The following SKAP1 variants were observed in gnomAD, a reference collection of about 807,000 sequenced individuals.
The protein encoded by SKAP1 is src kinase associated phosphoprotein 1.
SKAP1 carries 44 observed loss-of-function variants against 58.5 expected under a neutral mutation model. The ratio of observed to expected loss-of-function variants is 0.75; its 90% CI spans 0.59 to 0.97. The LOEUF (loss-of-function observed/expected upper bound fraction) is 0.97. SKAP1 is among the 50% of genes least tolerant of loss of function. SKAP1 has a pLI of 0.00. For synonymous variants in SKAP1, 127 were observed against 149.7 expected (o/e 0.85, Z 1.11); for missense variants, 390 against 435.2 (o/e 0.90, Z 0.92).
chr17:48,365,686 T>C (rs2066992297), intron 2 of SKAP1, among the ~76,000 whole-genome samples: 1 of 152,118 alleles, frequency 6.6e-6, no homozygotes, highest in Non-Finnish European at 1.5e-5. Context: ...TATTAACTCT[T>C]GCTATAGACA....
chr17:48,356,312 G>A (rs572424949), intron 3 of SKAP1, among the ~76,000 whole-genome samples: 1 of 152,210 alleles, frequency 6.6e-6, no homozygotes, highest in Non-Finnish European at 1.5e-5. Context: ...GAAAACTTGA[G>A]TGGGTAAGAA....
intron 4 of SKAP1, among the ~76,000 whole-genome samples, chr17:48,227,242 T>A (rs2065079326): frequency 6.6e-6 from 1 of 152,192 alleles, no homozygotes; most frequent in African/African-American, 2.4e-5. Flanking sequence ...AAAGACTATT[T>A]CCTAAACTGC....
At chr17:48,439,411 G>A in the SKAP1 span, among the ~76,000 whole-genome samples, 2 of 152,176 alleles carry the variant, frequency 1.3e-5, no homozygotes, top group Non-Finnish European at 2.9e-5. Flanking sequence ...AACAGCCTCT[G>A]CTCTCAGCCT....
intron 4 of SKAP1, among the ~76,000 whole-genome samples, chr17:48,303,530 G>C (rs1183348543): frequency 6.6e-6 from 1 of 152,182 alleles, no homozygotes; most frequent in East Asian, 1.9e-4. Context: ...CAAAGTTGTT[G>C]AGTGAGTATG....
chr17:48,439,341 G>T, the SKAP1 span, among the ~76,000 whole-genome samples: 1 of 152,218 alleles, frequency 6.6e-6, no homozygotes, highest in Non-Finnish European at 1.5e-5. Flanking sequence ...CAAATTGTAA[G>T]ATGCATATTG....
chr17:48,197,569 G>A (rs2064655085), intron 4 of SKAP1, among the ~76,000 whole-genome samples: 3 of 152,098 alleles, frequency 2.0e-5, no homozygotes, highest in Non-Finnish European at 2.9e-5. Flanking sequence ...TGTGCCTGTA[G>A]TCCCAGGTAC....
intron 10 of SKAP1, among the ~76,000 whole-genome samples, chr17:48,162,944 T>C (rs1394489611): frequency 6.6e-6 from 1 of 152,226 alleles, no homozygotes; most frequent in African/African-American, 2.4e-5. Flanking sequence ...TTTCTCTTCA[T>C]TATGCATTTG....
At chr17:48,281,331 C>T (rs1264803810) in intron 4 of SKAP1, among the ~76,000 whole-genome samples, 1 of 152,098 alleles carries the variant, frequency 6.6e-6, no homozygotes, top group Non-Finnish European at 1.5e-5. Flanking sequence ...GCCCAGAGCT[C>T]AAGTTTTAAA....
chr17:48,262,173 A>G (rs1268070671), intron 4 of SKAP1, among the ~76,000 whole-genome samples: 1 of 152,214 alleles, frequency 6.6e-6, no homozygotes, highest in Non-Finnish European at 1.5e-5. Flanking sequence ...GTTGGAGAGA[A>G]TCATCCACCT....
intron 4 of SKAP1, among the ~76,000 whole-genome samples, chr17:48,315,378 T>C (rs1476512900): frequency 6.6e-6 from 1 of 152,154 alleles, no homozygotes; most frequent in Non-Finnish European, 1.5e-5. Context: ...TGCATGCTCA[T>C]TTTTATGGCA....
At chr17:48,310,243 C>T (rs1225278319) in intron 4 of SKAP1, among the ~76,000 whole-genome samples, 1 of 152,122 alleles carries the variant, frequency 6.6e-6, no homozygotes, top group Non-Finnish European at 1.5e-5. Flanking sequence ...GTCTGTCCTA[C>T]GGGTTTTCTA....
intron 3 of SKAP1, among the ~76,000 whole-genome samples, chr17:48,361,373 T>C (rs1455385171): frequency 6.6e-6 from 1 of 151,938 alleles, no homozygotes; most frequent in African/African-American, 2.4e-5. Context: ...TCCCAGCTAA[T>C]TTTTTGTATG....
intron 4 of SKAP1, among the ~76,000 whole-genome samples, chr17:48,274,487 G>A (rs957622605): frequency 2.6e-5 from 4 of 151,402 alleles, no homozygotes; most frequent in African/African-American, 4.9e-5. Context: ...ACCTGAAGTC[G>A]GGAGTTTGAG....
chr17:48,345,997 A>G lies in SKAP1; in HGVS notation c.188T>C (p.Ile63Thr), dbSNP rs114223532. The change falls in exon 4 of 13, where the codon ATT becomes ACT. Residue 63 changes from isoleucine to threonine, a missense_variant. Physicochemically the swap from Ile to Thr is moderately conservative, Grantham distance 89. Coordinates refer to ENST00000336915, the MANE Select transcript of SKAP1 (RefSeq NM_003726.4). ...YWDFQPQGGD[I>T]GQDSSDDNHS... is the part of the protein sequence containing the mutation. ...ATTATCATCAGAGCTGTCCTGTCCAATGTCTCCCCCTGAGGGACAAAAAAG... is the reference window on the plus strand; with the variant it reads ...ATTATCATCAGAGCTGTCCTGTCCAGTGTCTCCCCCTGAGGGACAAAAAAG... The G allele has an allele frequency of 1.2e-5, 19 of 1,604,976 alleles. No individual in the cohort carries two copies. In the East Asian group the frequency reaches 3.6e-4, roughly 30 times the overall value.
intron 4 of SKAP1, among the ~76,000 whole-genome samples, chr17:48,232,575 A>G (rs2065137371): frequency 6.6e-6 from 1 of 152,212 alleles, no homozygotes; most frequent in South Asian, 2.1e-4. Flanking sequence ...TTGGCAGCAT[A>G]AAGTATATGG....
At chr17:48,255,123 C>T (rs2065408673) in intron 4 of SKAP1, among the ~76,000 whole-genome samples, 1 of 152,056 alleles carries the variant, frequency 6.6e-6, no homozygotes, top group African/African-American at 2.4e-5. Context: ...TGGTGATAAG[C>T]TCATACTTGG....
At chr17:48,250,165 CTATGT>C (rs763119537) in intron 4 of SKAP1, among the ~76,000 whole-genome samples, 5 of 146,540 alleles carry the variant, frequency 3.4e-5, no homozygotes, top group Non-Finnish European at 6.0e-5. Context: ...TCTATGAGAT[CTATGT>C]TATAAGCTGT....
chr17:48,367,298 T>C (rs1016204049), intron 2 of SKAP1, among the ~76,000 whole-genome samples: 1 of 151,988 alleles, frequency 6.6e-6, no homozygotes, highest in Admixed American at 6.6e-5. Context: ...TATAATTAAG[T>C]ATTTCTGTCA....
At chr17:48,221,598 T>C (rs1219214891) in intron 4 of SKAP1, among the ~76,000 whole-genome samples, 1 of 152,240 alleles carries the variant, frequency 6.6e-6, no homozygotes, top group African/African-American at 2.4e-5. Context: ...TATAGTGCAT[T>C]ATATCAAATG....
Sources: allele counts gnomAD v4.1 joint callset (sites outside exome capture counted in the v4.1 genomes callset), GRCh38; gene constraint gnomAD v4.1.1; transcripts MANE v1.5; gene names NCBI Gene and HGNC (gene_info 2026-07-23, HGNC 2026-07-21).